PPFIA2: variants seen among roughly 807,000 people sequenced by gnomAD.
PPFIA2 encodes the protein liprin-alpha-2.
PPFIA2 carries 46 observed loss-of-function variants against 175.5 expected under a neutral mutation model. That is an observed-to-expected ratio of 0.26 (90% CI 0.21 to 0.34). The LOEUF (loss-of-function observed/expected upper bound fraction) is 0.34, where lower values mean the gene tolerates loss of function less well. PPFIA2 is among the 10% of genes least tolerant of loss of function. The pLI, the probability that PPFIA2 is intolerant of heterozygous loss-of-function variation, is 1.00. For synonymous variants in PPFIA2, 568 were observed against 511.4 expected (o/e 1.11, Z -1.49); for missense variants, 1,179 against 1,506.1 (o/e 0.78, Z 3.60).
intron 14 of PPFIA2, among the ~76,000 whole-genome samples, chr12:81,364,067 G>C (rs2141279636): frequency 6.6e-6 from 1 of 151,788 alleles, no homozygotes; most frequent in Non-Finnish European, 1.5e-5. Context: ...GTCATGGAAG[G>C]GTTTTTCAAT....
intron 4 of PPFIA2, among the ~76,000 whole-genome samples, chr12:81,599,876 T>C (rs1315201869): frequency 6.6e-6 from 1 of 151,918 alleles, no homozygotes; most frequent in East Asian, 1.9e-4. Context: ...ATCATACATG[T>C]TTGCCTGTTT....
rs192664545 is a variant in PPFIA2, at chr12:81,487,042, T to C, written c.304-29176A>G. Among the ~76,000 whole-genome samples, 24 of 152,052 alleles carry C rather than the reference T, an allele frequency of 1.6e-4. No homozygotes were observed. The East Asian group carries it at 4.3e-3, about 27-fold the overall frequency. On this transcript the variant is annotated intron_variant, in intron 4 of 32. Transcript: ENST00000549396. ...TATTTACATTTTGCAAAACACGGTG[T>C]GATTTCTGTCCTTAGAAAGTTTCCC...
chr12:81,637,244 T>A (rs1332814670), intron 4 of PPFIA2, among the ~76,000 whole-genome samples: 8 of 5,414 alleles, frequency 1.5e-3, no homozygotes, highest in African/African-American at 6.1e-3. Context: ...TAATTTTTTT[T>A]TTTTTTTTTT....
At chr12:81,368,923 C>T in intron 12 of PPFIA2, 67 bp from the exon 13 acceptor site, 1 of 1,514,742 alleles carries the variant, frequency 6.6e-7, no homozygotes, top group East Asian at 2.3e-5. Flanking sequence ...TATAGTGTTG[C>T]TAGTTTTAAA....
intron 4 of PPFIA2, among the ~76,000 whole-genome samples, chr12:81,488,747 C>A (rs1338243650): frequency 6.6e-6 from 1 of 151,690 alleles, no homozygotes. Flanking sequence ...CCTCAGGTTT[C>A]CCATTGATGA....
chr12:81,329,079 C>T (rs1282764753), intron 21 of PPFIA2, among the ~76,000 whole-genome samples: 1 of 152,102 alleles, frequency 6.6e-6, no homozygotes, highest in African/African-American at 2.4e-5. Context: ...ACTGGGATTA[C>T]AGATGTGAGC....
At chr12:81,483,939 C>T (rs888806359) in intron 4 of PPFIA2, among the ~76,000 whole-genome samples, 5 of 151,536 alleles carry the variant, frequency 3.3e-5, no homozygotes, top group South Asian at 2.1e-4. Flanking sequence ...GTTTGGTGAC[C>T]GATAAAAGTA....
chr12:81,373,392 A>C (rs1247109235), intron 11 of PPFIA2, among the ~76,000 whole-genome samples: 1 of 151,932 alleles, frequency 6.6e-6, no homozygotes, highest in Non-Finnish European at 1.5e-5. Flanking sequence ...TTGCAAGAAA[A>C]AATGAAATAA....
chr12:81,524,182 C>A (rs576570714), intron 4 of PPFIA2, among the ~76,000 whole-genome samples: 1 of 152,128 alleles, frequency 6.6e-6, no homozygotes, highest in Admixed American at 6.5e-5. Context: ...TGAGTCAATG[C>A]CCAGTGGAGC....
intron 4 of PPFIA2, among the ~76,000 whole-genome samples, chr12:81,470,898 G>C (rs986444290): frequency 5.3e-5 from 8 of 152,026 alleles, no homozygotes; most frequent in African/African-American, 1.7e-4. Flanking sequence ...TTGAACAACA[G>C]CTACCCACAT....
chr12:81,603,439 A>G (rs1302997192), intron 4 of PPFIA2, among the ~76,000 whole-genome samples: 4 of 151,614 alleles, frequency 2.6e-5, no homozygotes, highest in Non-Finnish European at 4.4e-5. Flanking sequence ...TGTGTTTACC[A>G]TGGCCTTTGT....
At chr12:81,426,782 T>C (rs529516258) in intron 7 of PPFIA2, among the ~76,000 whole-genome samples, 16 of 152,148 alleles carry the variant, frequency 1.1e-4, no homozygotes, top group Non-Finnish European at 1.8e-4. Flanking sequence ...TGGGAACAAA[T>C]AGGTACTGCA....
At chr12:81,364,053 G>T (rs187618387) in intron 14 of PPFIA2, among the ~76,000 whole-genome samples, 1 of 151,894 alleles carries the variant, frequency 6.6e-6, no homozygotes, top group Admixed American at 6.6e-5. Context: ...GAGAAAACAG[G>T]GGAGTCATGG....
At chr12:81,673,229 C>G (rs1394661978) in intron 4 of PPFIA2, among the ~76,000 whole-genome samples, 1 of 152,060 alleles carries the variant, frequency 6.6e-6, no homozygotes, top group Admixed American at 6.6e-5. Context: ...CTGACCTGCA[C>G]AACTACAGCT....
intron 22 of PPFIA2, among the ~76,000 whole-genome samples, chr12:81,301,999 A>T (rs1419633951): frequency 6.6e-6 from 1 of 152,146 alleles, no homozygotes; most frequent in Non-Finnish European, 1.5e-5. Flanking sequence ...CTGTGTTTTC[A>T]TATGCTCTGT....
At chr12:81,677,705 A>G (rs1596313856) in intron 3 of PPFIA2, among the ~76,000 whole-genome samples, 1 of 151,960 alleles carries the variant, frequency 6.6e-6, no homozygotes, top group East Asian at 1.9e-4. Context: ...TTCTACACAT[A>G]GAGTATAAAA....
intron 3 of PPFIA2, among the ~76,000 whole-genome samples, chr12:81,726,926 G>A (rs969348451): frequency 3.3e-5 from 5 of 151,280 alleles, no homozygotes; most frequent in South Asian, 2.1e-4. Context: ...CTTCAAGAAT[G>A]GCATGTCTCT....
At chr12:81,400,385 C>T (rs143173840) in intron 8 of PPFIA2, among the ~76,000 whole-genome samples, 3 of 152,090 alleles carry the variant, frequency 2.0e-5, no homozygotes, top group African/African-American at 7.2e-5. Context: ...AGGCACATCC[C>T]GTATTCCATT....
intron 7 of PPFIA2, chr12:81,429,929 C>T (rs1215742760): frequency 1.3e-5 from 2 of 151,992 alleles, no homozygotes; most frequent in African/African-American, 4.8e-5. Flanking sequence ...TGGTTCCTTG[C>T]TATGTTCTAT....
Sources: gnomAD v4.1 joint callset for allele counts (sites outside exome capture counted in the v4.1 genomes callset) on GRCh38, gnomAD v4.1.1 for gene constraint, MANE v1.5 for transcripts, NCBI Gene and HGNC (gene_info 2026-07-23, HGNC 2026-07-21) for gene names.